HMGCLL1: variants seen among roughly 807,000 people sequenced by gnomAD.
The protein encoded by HMGCLL1 is 3-hydroxy-3-methylglutaryl-CoA lyase like 1.
Under a neutral mutation model 39.1 loss-of-function variants are expected in HMGCLL1, and 36 were observed. The observed-to-expected ratio is 0.92, with a 90% confidence interval of 0.71 to 1.22. The LOEUF (loss-of-function observed/expected upper bound fraction) is 1.22. Among genes scored for constraint, HMGCLL1 ranks in the 50% most tolerant of loss-of-function variants. The pLI is 0.00. For missense variants in HMGCLL1, 451 were observed against 416.5 expected, an observed-to-expected ratio of 1.08 and a Z score of -0.72; for synonymous variants, 149 against 144.0, an observed-to-expected ratio of 1.03 and a Z score of -0.25.
At chr6:55,641,561 A>G in the HMGCLL1 span, among the ~76,000 whole-genome samples, 6 of 152,146 alleles carry the variant, frequency 3.9e-5, no homozygotes, top group African/African-American at 1.4e-4. Flanking sequence ...TATACTCTGT[A>G]GTTACCCTAG....
At chr6:55,619,189 T>C in the HMGCLL1 span, among the ~76,000 whole-genome samples, 3 of 152,124 alleles carry the variant, frequency 2.0e-5, no homozygotes, top group East Asian at 5.8e-4. Context: ...ATTTGGAACA[T>C]GTGCAGGGGC....
intron 3 of HMGCLL1, among the ~76,000 whole-genome samples, chr6:55,518,927 G>A (rs1767889278): frequency 1.3e-5 from 2 of 152,084 alleles, no homozygotes; most frequent in African/African-American, 4.8e-5. Flanking sequence ...AAGTTCTCAG[G>A]TAATTCATTT....
At chr6:55,503,555 G>C (rs931546148) in intron 5 of HMGCLL1, among the ~76,000 whole-genome samples, 11 of 151,402 alleles carry the variant, frequency 7.3e-5, no homozygotes, top group Non-Finnish European at 1.3e-4. Flanking sequence ...TGAAAAAGGG[G>C]GGTCTATGGG....
chr6:55,498,166 C>T (rs1239657240), intron 6 of HMGCLL1, among the ~76,000 whole-genome samples: 1 of 152,088 alleles, frequency 6.6e-6, no homozygotes, highest in South Asian at 2.1e-4. Context: ...AGGAAGAAAG[C>T]AAGTCTGCTG....
intron 3 of HMGCLL1, among the ~76,000 whole-genome samples, chr6:55,518,248 A>C (rs558057833): frequency 7.1e-6 from 1 of 141,448 alleles, no homozygotes; most frequent in African/African-American, 2.6e-5. Context: ...GAATGTTAAC[A>C]ATTCAAAGAA....
In HMGCLL1 at chr6:55,490,209, T is replaced by C. The variant is rs76983956; in HGVS notation, c.795+5210A>G. Among the ~76,000 whole-genome samples, 325 of 152,254 alleles carry C rather than the reference T, an allele frequency of 2.1e-3. 2 individuals are homozygous for C. Among genetic ancestry groups the C allele is most frequent in the East Asian group, 7.0e-3 (36 of 5,176 alleles). On this transcript the variant is annotated intron_variant, in intron 7 of 8. Coordinates refer to ENST00000274901, the MANE Select transcript of HMGCLL1 (RefSeq NM_001042406.2). ...ATCAGATACGTGTTGAAGAGTTTCC[T>C]TGGTCCAGTGAGCTGTGACTTGTGA...
chr6:55,437,338 T>G (rs1763411939), intron 8 of HMGCLL1, among the ~76,000 whole-genome samples: 1 of 151,938 alleles, frequency 6.6e-6, no homozygotes, highest in Non-Finnish European at 1.5e-5. Context: ...CAGAAAATTC[T>G]GTACCATAGT....
the HMGCLL1 span, among the ~76,000 whole-genome samples, chr6:55,676,882 T>G: frequency 6.6e-6 from 1 of 152,216 alleles, no homozygotes; most frequent in African/African-American, 2.4e-5. Flanking sequence ...GGTTCCCGCA[T>G]GCGGGGAAAA....
intron 7 of HMGCLL1, among the ~76,000 whole-genome samples, chr6:55,466,520 T>C (rs1052365183): frequency 6.6e-6 from 1 of 152,134 alleles, no homozygotes; most frequent in Non-Finnish European, 1.5e-5. Flanking sequence ...GCTATGCATT[T>C]AACAAATGTC....
At chr6:55,555,374 A>G (rs1199537073) in intron 1 of HMGCLL1, among the ~76,000 whole-genome samples, 1 of 152,216 alleles carries the variant, frequency 6.6e-6, no homozygotes, top group Non-Finnish European at 1.5e-5. Flanking sequence ...CACAACAAAA[A>G]GGAAACTCCA....
the HMGCLL1 span, among the ~76,000 whole-genome samples, chr6:55,607,553 G>A: frequency 2.0e-5 from 3 of 152,012 alleles, no homozygotes; most frequent in East Asian, 1.9e-4. Context: ...CCTTTCTCAC[G>A]GCCGCCCACA....
chr6:55,580,142 A>G (rs926200125), upstream of HMGCLL1, among the ~76,000 whole-genome samples: 2 of 151,740 alleles, frequency 1.3e-5, no homozygotes, highest in African/African-American at 2.4e-5. Context: ...TGCACACCGT[A>G]GTATAAACAC....
chr6:55,464,393 G>C (rs892054868), intron 7 of HMGCLL1, among the ~76,000 whole-genome samples: 1 of 152,010 alleles, frequency 6.6e-6, no homozygotes, highest in South Asian at 2.1e-4. Context: ...ATTATTTTTT[G>C]AGTTTAAAAG....
intron 1 of HMGCLL1, among the ~76,000 whole-genome samples, chr6:55,574,097 C>G (rs1307013076): frequency 6.6e-6 from 1 of 151,644 alleles, no homozygotes; most frequent in East Asian, 1.9e-4. Flanking sequence ...TTCATTTATA[C>G]TTATAAACAT....
intron 1 of HMGCLL1, among the ~76,000 whole-genome samples, chr6:55,550,061 C>A (rs949851533): frequency 2.0e-5 from 3 of 151,902 alleles, no homozygotes; most frequent in African/African-American, 7.3e-5. Context: ...CAGAAAACAA[C>A]AATCTATGGT....
intron 6 of HMGCLL1, among the ~76,000 whole-genome samples, chr6:55,496,372 G>C (rs1766578783): frequency 6.6e-6 from 1 of 152,034 alleles, no homozygotes; most frequent in African/African-American, 2.4e-5. Flanking sequence ...TCTCATTCAA[G>C]AGAAATGTGC....
At chr6:55,579,336 C>T (rs551284212), upstream of HMGCLL1, 16 of 515,782 alleles carry the variant, frequency 3.1e-5, no homozygotes, top group South Asian at 3.3e-4. Flanking sequence ...CAGAGGATGT[C>T]CAGGGGTGTC....
the HMGCLL1 span, among the ~76,000 whole-genome samples, chr6:55,600,000 A>G: frequency 2.9e-3 from 443 of 152,324 alleles, no homozygotes; most frequent in Non-Finnish European, 3.9e-3. Context: ...TTGAAATTAA[A>G]GTAATTGTTA....
chr6:55,644,519 T>G, the HMGCLL1 span, among the ~76,000 whole-genome samples: 1 of 152,100 alleles, frequency 6.6e-6, no homozygotes, highest in Non-Finnish European at 1.5e-5. Context: ...TGTAGCAGTT[T>G]CATAGTTTGA....
Sources: allele counts gnomAD v4.1 joint callset (sites outside exome capture counted in the v4.1 genomes callset), GRCh38; gene constraint gnomAD v4.1.1; transcripts MANE v1.5; gene names NCBI Gene and HGNC (gene_info 2026-07-23, HGNC 2026-07-21).